PDE6A: variants seen among roughly 807,000 people sequenced by gnomAD.
PDE6A encodes the protein rod cGMP-specific 3',5'-cyclic phosphodiesterase subunit alpha.
Under a neutral mutation model 106.3 loss-of-function variants are expected in PDE6A, and 84 were observed. That is an observed-to-expected ratio of 0.79 (90% confidence interval 0.66 to 0.95). PDE6A has a LOEUF of 0.95. Ranked by LOEUF, PDE6A falls within the 40% of genes least tolerant of loss-of-function variation. The pLI is 0.00. For missense variants in PDE6A, 1,052 were observed against 1,084.9 expected (o/e 0.97, Z 0.43); for synonymous variants, 394 against 386.6 (o/e 1.02, Z -0.23).
At chr5:149,900,254 C>G (rs1183791031) in intron 8 of PDE6A, among the ~76,000 whole-genome samples, 2 of 151,148 alleles carry the variant, frequency 1.3e-5, no homozygotes, top group South Asian at 4.2e-4. Flanking sequence ...CCCAGCTACT[C>G]GGGAGGCTGA....
At chr5:149,880,354 C>A (rs1387058901) in intron 17 of PDE6A, among the ~76,000 whole-genome samples, 1 of 152,072 alleles carries the variant, frequency 6.6e-6, no homozygotes, top group East Asian at 1.9e-4. Flanking sequence ...ATGATTTAGT[C>A]CTTCTGCTGA....
chr5:149,929,410 T>C (rs1305895439), intron 4 of PDE6A, among the ~76,000 whole-genome samples: 1 of 151,958 alleles, frequency 6.6e-6, no homozygotes, highest in Non-Finnish European at 1.5e-5. Context: ...ATTGAGACCA[T>C]CCTGGCTAAA....
At chr5:149,917,139 TC>T (rs1753581614) in intron 5 of PDE6A, among the ~76,000 whole-genome samples, 1 of 151,808 alleles carries the variant, frequency 6.6e-6, no homozygotes, top group African/African-American at 2.4e-5. Context: ...ATTTTGTCTG[TC>T]TTTATACAAT....
At chr5:149,907,077 T>A (rs1753220441) in intron 7 of PDE6A, among the ~76,000 whole-genome samples, 1 of 152,184 alleles carries the variant, frequency 6.6e-6, no homozygotes, top group South Asian at 2.1e-4. Context: ...CGGCCAAGAC[T>A]ATGCACCTTT....
At chr5:149,901,347 G>A (rs927704033) in intron 8 of PDE6A, among the ~76,000 whole-genome samples, 1 of 152,084 alleles carries the variant, frequency 6.6e-6, no homozygotes, top group African/African-American at 2.4e-5. Flanking sequence ...TGACCAACAT[G>A]GTGAAACCCT....
chr5:149,875,231 G>T (rs905825738), intron 17 of PDE6A, among the ~76,000 whole-genome samples: 5 of 152,108 alleles, frequency 3.3e-5, no homozygotes, highest in African/African-American at 4.8e-5. Context: ...AGGGGTGGGG[G>T]TGCTCCTGGT....
In PDE6A at chr5:149,920,188, T is replaced by A. The variant is rs371998087; in HGVS notation, c.933+1447A>T. On this transcript the variant is annotated intron_variant, in intron 5 of 21. Transcript: ENST00000255266. ...ATATAAAAAACAAAAACAAATAAAA[T>A]AAAATGCTGCAATTGGATGAGATCA... Among the ~76,000 whole-genome samples the A allele has an allele frequency of 2.7e-4, 41 of 151,638 alleles. No individual in the cohort carries two copies. The East Asian group carries it at 2.7e-3, about 10-fold the overall frequency.
At chr5:149,916,531 C>T (rs1333519445) in intron 5 of PDE6A, among the ~76,000 whole-genome samples, 1 of 152,186 alleles carries the variant, frequency 6.6e-6, no homozygotes, top group Non-Finnish European at 1.5e-5. Flanking sequence ...TAACTCTCTG[C>T]CTCTTCCATC....
intron 20 of PDE6A, among the ~76,000 whole-genome samples, chr5:149,865,944 C>G (rs919440440): frequency 6.6e-6 from 1 of 152,192 alleles, no homozygotes; most frequent in African/African-American, 2.4e-5. Context: ...ATTTGCCCCA[C>G]AATTATGTAT....
At chr5:149,883,703 C>T (rs1179200439) in intron 16 of PDE6A, among the ~76,000 whole-genome samples, 167 bp from the exon 17 acceptor site, 3 of 152,184 alleles carry the variant, frequency 2.0e-5, no homozygotes, top group Admixed American at 6.5e-5. Context: ...TAACCTAAGT[C>T]TCTGCCACTG....
chr5:149,903,868 A>T (rs996720018), intron 7 of PDE6A, among the ~76,000 whole-genome samples, 173 bp from the exon 8 acceptor site: 16 of 152,236 alleles, frequency 1.1e-4, no homozygotes, highest in Admixed American at 9.8e-4. Context: ...GCTACTAGAC[A>T]GAAAAGTCAC....
rs144734941 is a variant in PDE6A at position 149,925,883 on chromosome 5, A to G, written c.859-4174T>C. Among the ~76,000 whole-genome samples, 828 of 152,282 alleles carry G rather than the reference A, an allele frequency of 5.4e-3. 6 individuals carry two copies. The highest frequency in any genetic ancestry group is 0.019 in the African/African-American group (781 of 41,550). ...AACTTAGAGGTCTTTTCATTACCAG[A>G]TATCATGATATTTTATAAACATACT... On this transcript the variant is annotated intron_variant, in intron 4 of 21. Coordinates refer to ENST00000255266, the MANE Select transcript of PDE6A (RefSeq NM_000440.3).
At chr5:149,927,923 T>A (rs1288607735) in intron 4 of PDE6A, among the ~76,000 whole-genome samples, 1 of 151,586 alleles carries the variant, frequency 6.6e-6, no homozygotes, top group Non-Finnish European at 1.5e-5. Context: ...ATCATCAATA[T>A]CCCCATCTTC....
chr5:149,898,148 T>C (rs1460228140), intron 10 of PDE6A, among the ~76,000 whole-genome samples: 1 of 152,178 alleles, frequency 6.6e-6, no homozygotes, highest in East Asian at 1.9e-4. Context: ...TATGTACCAC[T>C]CTCAGGCACT....
intron 6 of PDE6A, among the ~76,000 whole-genome samples, chr5:149,912,283 C>A (rs919931305): frequency 2.0e-5 from 3 of 152,170 alleles, no homozygotes; most frequent in Non-Finnish European, 2.9e-5. Flanking sequence ...CATCCAACAT[C>A]TATGTTCTTC....
chr5:149,922,385 C>T (rs555689628), intron 4 of PDE6A, among the ~76,000 whole-genome samples: 2 of 152,180 alleles, frequency 1.3e-5, no homozygotes, highest in African/African-American at 4.8e-5. Context: ...CATCTCAGCT[C>T]ACTGCAACCT....
rs1760402623 is a variant in PDE6A at position 149,868,176 on chromosome 5, C to T, written c.2136-18G>A. The stretch of plus-strand genomic sequence containing the variant: ...TCATGGCCCTGGGCACACAGGACAC[C>T]CTCTATCAGTCCAGGGCCATTTAAG... On this transcript the variant is annotated intron_variant, in intron 17 of 21. Coordinates refer to ENST00000255266, the MANE Select transcript of PDE6A (RefSeq NM_000440.3). The T allele has an allele frequency of 6.2e-7, 1 of 1,612,326 alleles. No individual in the cohort carries two copies. Among genetic ancestry groups the T allele is most frequent in the African/African-American group, 1.3e-5 (1 of 74,856 alleles).
chr5:149,928,231 A>ATATTTTT, intron 4 of PDE6A, among the ~76,000 whole-genome samples: 1 of 19,746 alleles, frequency 5.1e-5, no homozygotes, highest in African/African-American at 4.8e-4. Flanking sequence ...ATATATATAT[A>ATATTTTT]TTTTTTTTTT....
intron 4 of PDE6A, among the ~76,000 whole-genome samples, chr5:149,926,858 A>G (rs1378278237): frequency 1.3e-5 from 2 of 151,884 alleles, no homozygotes; most frequent in African/African-American, 4.8e-5. Flanking sequence ...GGGGCCTGTA[A>G]TCCCAGCTAC....
Sources: allele counts gnomAD v4.1 joint callset (sites outside exome capture counted in the v4.1 genomes callset), GRCh38; gene constraint gnomAD v4.1.1; transcripts MANE v1.5; gene names NCBI Gene and HGNC (gene_info 2026-07-23, HGNC 2026-07-21).